The following ARHGEF26 variants were observed in gnomAD, a reference collection of about 807,000 sequenced individuals.
The protein encoded by ARHGEF26 is Rho guanine nucleotide exchange factor 26.
ARHGEF26 carries 59 observed loss-of-function variants against 89.4 expected under a neutral mutation model. The ratio of observed to expected loss-of-function variants is 0.66; its 90% confidence interval spans 0.54 to 0.82. ARHGEF26 has a LOEUF of 0.82. ARHGEF26 is among the 40% of genes least tolerant of loss of function. ARHGEF26 has a pLI of 0.00. For missense variants in ARHGEF26, 1,234 were observed against 1,085.6 expected (o/e 1.14, Z -1.92); for synonymous variants, 500 against 428.4 (o/e 1.17, Z -2.06).
At chr3:154,127,763 A>T (rs777211024) in intron 3 of ARHGEF26, among the ~76,000 whole-genome samples, 1 of 150,906 alleles carries the variant, frequency 6.6e-6, no homozygotes, top group Middle Eastern at 3.2e-3. Context: ...TGGCAGTACA[A>T]TCGGTTTGTT....
intron 6 of ARHGEF26, among the ~76,000 whole-genome samples, chr3:154,180,860 A>C: frequency 6.6e-6 from 1 of 152,058 alleles, no homozygotes; most frequent in Non-Finnish European, 1.5e-5. Context: ...ATTGAGAAGC[A>C]ACTGTCCTAT....
intron 11 of ARHGEF26, among the ~76,000 whole-genome samples, chr3:154,232,560 C>T (rs1462177648): frequency 6.6e-6 from 1 of 152,090 alleles, no homozygotes; most frequent in Non-Finnish European, 1.5e-5. Flanking sequence ...ATTTGCAAAA[C>T]ATATAATTAT....
rs999524669 is a variant in ARHGEF26, at chr3:154,206,461, C to T, written c.1846-11408C>T. Among the ~76,000 whole-genome samples, 9 of 152,170 alleles carry T rather than the reference C, an allele frequency of 5.9e-5. No homozygotes were observed. The East Asian group carries it at 1.5e-3, about 26-fold the overall frequency. ...TGCAAAAATTGCCAACATTCCTATA[C>T]ACCAAGAGTGGGCGATCCAAGAGCT... is the stretch of plus-strand genomic sequence containing the variant. On this transcript the variant is annotated intron_variant, in intron 9 of 14. Coordinates refer to ENST00000465093, the MANE Select transcript of ARHGEF26 (RefSeq NM_015595.4).
chr3:154,184,090 A>G lies in ARHGEF26; in HGVS notation c.1488-3595A>G, dbSNP rs370994443. On this transcript the variant is annotated intron_variant, in intron 6 of 14. Transcript: ENST00000465093. ...TGGGTTCACGCCATTCTCCTGCCGC[A>G]GCCTCCCGAGTAGCTGGGACTACAG... Among the ~76,000 whole-genome samples the G allele has an allele frequency of 1.7e-4, 25 of 150,890 alleles. No homozygotes were observed. The East Asian group carries it at 4.7e-3, about 28-fold the overall frequency.
In ARHGEF26 at chr3:154,225,965, ACTT is replaced by A. The variant is rs1168272046; in HGVS notation, c.2049_2051del (p.Phe684del). On this transcript the variant is annotated inframe_deletion, in exon 11 of 15. Coordinates refer to ENST00000465093, the MANE Select transcript of ARHGEF26 (RefSeq NM_015595.4). ...AGAAGGACATCCAAACAGCAAGTCT[ACTT>A]CTTTCTCTTTAACGATGTGCTCATT... is the stretch of plus-strand genomic sequence containing the variant. 6.2e-7 allele frequency: 1 copy of A among 1,613,146 alleles called. No homozygotes were observed. Among genetic ancestry groups the A allele is most frequent in the Non-Finnish European group, 8.5e-7 (1 of 1,179,494 alleles).
At chr3:154,173,536 A>T (rs772105937) in intron 6 of ARHGEF26, among the ~76,000 whole-genome samples, 7 of 152,204 alleles carry the variant, frequency 4.6e-5, no homozygotes, top group Non-Finnish European at 1.0e-4. Flanking sequence ...TTACAACCAT[A>T]CATTTGTCAA....
chr3:154,239,291 A>AGTGTGT (rs1717331549), intron 11 of ARHGEF26, among the ~76,000 whole-genome samples: 10 of 61,882 alleles, frequency 1.6e-4, no homozygotes, highest in East Asian at 8.3e-4. Flanking sequence ...AGAGAGAGAG[A>AGTGTGT]GAGAGAGAGT....
intron 11 of ARHGEF26, among the ~76,000 whole-genome samples, chr3:154,226,961 G>T (rs1716532245): frequency 6.6e-6 from 1 of 152,150 alleles, no homozygotes; most frequent in Admixed American, 6.5e-5. Context: ...CAAAATAAAT[G>T]TCCAAATGTA....
Position 154,217,876 on chromosome 3 carries a change from G to A in ARHGEF26, c.1853G>A (p.Arg618Gln), listed in dbSNP as rs747238841. ...ACTCTTCTGTGTTCCCAGTTGGTTC[G>A]ACTATGCAATGAGGGCGCCCGGAAG... ...RALKEVSKLV[R>Q]LCNEGARKME... Residue 618 changes from arginine to glutamine, a missense_variant, in exon 10 of 15, where the codon CGA becomes CAA. Coordinates refer to ENST00000465093, the MANE Select transcript of ARHGEF26 (RefSeq NM_015595.4). The A allele has an allele frequency of 1.5e-5, 24 of 1,597,386 alleles. No homozygotes were observed. Among genetic ancestry groups the A allele is most frequent in the Non-Finnish European group, 1.8e-5 (21 of 1,171,588 alleles).
chr3:154,208,650 T>A (rs538056883), intron 9 of ARHGEF26, among the ~76,000 whole-genome samples: 1 of 152,116 alleles, frequency 6.6e-6, no homozygotes, highest in South Asian at 2.1e-4. Flanking sequence ...TTCTGTTATC[T>A]CCTCTGACTG....
At chr3:154,211,348 G>A (rs1254354941) in intron 9 of ARHGEF26, among the ~76,000 whole-genome samples, 1 of 152,120 alleles carries the variant, frequency 6.6e-6, no homozygotes, top group African/African-American at 2.4e-5. Context: ...CTTCTGACTA[G>A]GGCTGATTTA....
intron 8 of ARHGEF26, among the ~76,000 whole-genome samples, chr3:154,192,464 A>T (rs546721449): frequency 1.3e-5 from 2 of 152,192 alleles, no homozygotes; most frequent in South Asian, 4.1e-4. Context: ...GTATTTCAGG[A>T]TTCATAGCAC....
chr3:154,122,167 C>CTG lies in ARHGEF26; in HGVS notation c.176_177insGT (p.Leu60SerfsTer75). ...TTTCCCGGTGGAGGACGGAGGGACGCTCCTCGCAGCGCAGATTCCCGCCCA... is the reference window on the plus strand; with the variant it reads ...TTTCCCGGTGGAGGACGGAGGGACGCTGTCCTCGCAGCGCAGATTCCCGCCCA... On this transcript the variant is annotated frameshift_variant, in exon 2 of 15. Transcript: ENST00000465093. LOFTEE classifies it high-confidence loss of function. The CTG allele has an allele frequency of 6.3e-7, 1 of 1,599,262 alleles. No homozygotes were observed. The highest frequency in any genetic ancestry group is 1.1e-5 in the South Asian group (1 of 88,962).
At chr3:154,170,869 C>T (rs568659897) in intron 6 of ARHGEF26, among the ~76,000 whole-genome samples, 1 of 152,188 alleles carries the variant, frequency 6.6e-6, no homozygotes, top group African/African-American at 2.4e-5. Context: ...TGGTCACCCT[C>T]TAATGTAAGG....
intron 4 of ARHGEF26, among the ~76,000 whole-genome samples, chr3:154,140,443 CTA>C (rs950051755): frequency 2.0e-5 from 3 of 152,152 alleles, no homozygotes; most frequent in Admixed American, 2.0e-4. Flanking sequence ...AGAGCAGGAA[CTA>C]TGTTTCTCCC....
chr3:154,191,461 T>C, intron 8 of ARHGEF26, 43 bp downstream of exon 8: 1 of 1,585,284 alleles, frequency 6.3e-7, no homozygotes, highest in South Asian at 1.2e-5. Context: ...ATAGCTGTGC[T>C]TCTCTAAATC....
At chr3:154,238,132 C>T (rs1717241235) in intron 11 of ARHGEF26, among the ~76,000 whole-genome samples, 1 of 152,122 alleles carries the variant, frequency 6.6e-6, no homozygotes, top group Non-Finnish European at 1.5e-5. Flanking sequence ...TGCTTTGTTT[C>T]TAGTAAACAT....
At chr3:154,210,079 A>G (rs1715271105) in intron 9 of ARHGEF26, among the ~76,000 whole-genome samples, 1 of 152,120 alleles carries the variant, frequency 6.6e-6, no homozygotes, top group Admixed American at 6.5e-5. Context: ...TTCCCTGAAG[A>G]TCCAAGGGTT....
intron 12 of ARHGEF26, among the ~76,000 whole-genome samples, chr3:154,250,725 G>C (rs937295415): frequency 1.3e-5 from 2 of 152,152 alleles, no homozygotes; most frequent in African/African-American, 2.4e-5. Context: ...GGCATAGAGA[G>C]ACACAAATGG....
Sources: allele counts gnomAD v4.1 joint callset (sites outside exome capture counted in the v4.1 genomes callset), GRCh38; gene constraint gnomAD v4.1.1; transcripts MANE v1.5; gene names NCBI Gene and HGNC (gene_info 2026-07-23, HGNC 2026-07-21).